The following CAMK2D variants were observed in gnomAD, a reference collection of about 807,000 sequenced individuals.
CAMK2D encodes the protein calcium/calmodulin dependent protein kinase II delta, also known as calcium/calmodulin-dependent protein kinase type II subunit delta.
CAMK2D carries 37 observed loss-of-function variants against 84.0 expected under a neutral mutation model. That is an observed-to-expected ratio of 0.44 (90% CI 0.34 to 0.58). The LOEUF is 0.58. Among genes scored for constraint, CAMK2D ranks in the 20% least tolerant of loss-of-function variants. The pLI, the probability that CAMK2D is intolerant of heterozygous loss-of-function variation, is 0.02. For missense variants in CAMK2D, 448 were observed against 652.5 expected (o/e 0.69, Z 3.41); for synonymous variants, 202 against 212.5 (o/e 0.95, Z 0.43).
chr4:113,503,221 A>G, intron 14 of CAMK2D: 1 of 703,790 alleles, frequency 1.4e-6, no homozygotes. Context: ...CTTGATCAGC[A>G]TTCAAACAAG....
intron 3 of CAMK2D, among the ~76,000 whole-genome samples, chr4:113,633,769 C>T (rs2154288912): frequency 6.6e-6 from 1 of 151,664 alleles, no homozygotes; most frequent in Admixed American, 6.5e-5. Flanking sequence ...AGCATCTCTG[C>T]CTTCTTTCCC....
At chr4:113,670,825 G>A (rs986033340) in intron 2 of CAMK2D, among the ~76,000 whole-genome samples, 15 of 151,920 alleles carry the variant, frequency 9.9e-5, no homozygotes, top group Non-Finnish European at 2.1e-4. Flanking sequence ...CTACTCGGGA[G>A]GCTGAGGCAG....
At chr4:113,640,391 C>A (rs2099127773) in intron 3 of CAMK2D, among the ~76,000 whole-genome samples, 1 of 152,076 alleles carries the variant, frequency 6.6e-6, no homozygotes, top group African/African-American at 2.4e-5. Context: ...AAGAAGAAAT[C>A]TAGAAAATAC....
intron 1 of CAMK2D, 25 bp from the exon 2 acceptor site, chr4:113,759,439 A>G: frequency 1.5e-6 from 2 of 1,346,930 alleles, no homozygotes; most frequent in Non-Finnish European, 2.1e-6. Context: ...TTAGCAGGTC[A>G]TTAATATAAC....
chr4:113,737,549 GGAGA>G (rs1166263386), intron 2 of CAMK2D, among the ~76,000 whole-genome samples: 1 of 152,040 alleles, frequency 6.6e-6, no homozygotes, highest in African/African-American at 2.4e-5. Flanking sequence ...AAAAACTTCT[GGAGA>G]TAGATATTGG....
At chr4:113,688,250 GA>G (rs1331817247) in intron 2 of CAMK2D, among the ~76,000 whole-genome samples, 1 of 152,194 alleles carries the variant, frequency 6.6e-6, no homozygotes, top group Non-Finnish European at 1.5e-5. Context: ...CCCTCACAAG[GA>G]GGTCTGTGTG....
chr4:113,494,722 G>T (rs1034987192), intron 16 of CAMK2D, among the ~76,000 whole-genome samples: 1 of 152,196 alleles, frequency 6.6e-6, no homozygotes, highest in African/African-American at 2.4e-5. Flanking sequence ...GGCAATGGCG[G>T]GCGCCCCTCC....
At chr4:113,747,288 T>C (rs1221480502) in intron 2 of CAMK2D, among the ~76,000 whole-genome samples, 1 of 138,114 alleles carries the variant, frequency 7.2e-6, no homozygotes, top group Non-Finnish European at 1.5e-5. Context: ...ACAGAATTAA[T>C]CTAACAGAAT....
At chr4:113,742,870 T>C (rs1562173961) in intron 2 of CAMK2D, among the ~76,000 whole-genome samples, 1 of 152,204 alleles carries the variant, frequency 6.6e-6, no homozygotes, top group Admixed American at 6.5e-5. Context: ...TTCTGATCTA[T>C]GATAATTTTT....
At chr4:113,511,018 A>T (rs2098205134) in intron 12 of CAMK2D, among the ~76,000 whole-genome samples, 1 of 152,172 alleles carries the variant, frequency 6.6e-6, no homozygotes. Flanking sequence ...TGCAATAGCA[A>T]GCAAAGAGAA....
intron 8 of CAMK2D, among the ~76,000 whole-genome samples, chr4:113,523,424 ATTAAAT>A: frequency 6.6e-6 from 1 of 152,008 alleles, no homozygotes; most frequent in East Asian, 1.9e-4. Flanking sequence ...AATACCTAAC[ATTAAAT>A]TTAAACACAT....
intron 4 of CAMK2D, among the ~76,000 whole-genome samples, chr4:113,554,727 A>T (rs576026609): frequency 1.4e-4 from 21 of 152,160 alleles, no homozygotes; most frequent in South Asian, 4.1e-4. Flanking sequence ...ATAGAACACA[A>T]AATTAAGCCA....
intron 16 of CAMK2D, among the ~76,000 whole-genome samples, chr4:113,495,516 C>G (rs1371583168): frequency 6.6e-6 from 1 of 152,140 alleles, no homozygotes; most frequent in Non-Finnish European, 1.5e-5. Context: ...AGTCATCATA[C>G]TATTCACTAA....
intron 13 of CAMK2D, among the ~76,000 whole-genome samples, chr4:113,506,452 C>A (rs1387651904): frequency 2.0e-5 from 3 of 151,776 alleles, no homozygotes; most frequent in African/African-American, 4.8e-5. Flanking sequence ...TAGTTAAAAC[C>A]TTTTTTTTCC....
intron 7 of CAMK2D, among the ~76,000 whole-genome samples, chr4:113,536,970 C>T (rs2098497380): frequency 1.3e-5 from 2 of 152,138 alleles, no homozygotes; most frequent in African/African-American, 4.8e-5. Context: ...ACTATTTACA[C>T]AGCAGTTTTT....
At chr4:113,609,243 C>G (rs1410558210) in intron 3 of CAMK2D, 37 bp from the exon 4 acceptor site, 3 of 1,113,710 alleles carry the variant, frequency 2.7e-6, no homozygotes. Context: ...TGTGTTATAC[C>G]TATTCCAACG....
At chr4:113,489,603 C>T (rs527751541) in intron 16 of CAMK2D, among the ~76,000 whole-genome samples, 4,020 of 148,146 alleles carry the variant, frequency 0.027, 168 homozygotes, top group African/African-American at 0.093. Context: ...AATAAACATA[C>T]GTGTGCATGT....
At chr4:113,644,698 C>T (rs2099144547) in intron 3 of CAMK2D, among the ~76,000 whole-genome samples, 1 of 152,192 alleles carries the variant, frequency 6.6e-6, no homozygotes, top group South Asian at 2.1e-4. Flanking sequence ...TGAAATGACA[C>T]TATCTTCCAG....
rs189417998 is a variant in CAMK2D, at chr4:113,594,674, C to T, written c.275+14478G>A. 1.3e-3 allele frequency among the ~76,000 whole-genome samples: 194 copies of T among 152,150 alleles called. 2 individuals carry two copies. Among genetic ancestry groups the T allele is most frequent in the African/African-American group, 4.5e-3 (188 of 41,502 alleles). ...AGGCTCATTAGTAGACTAGACAGGG[C>T]TGAGAAAAGAATCTCTAAGCCTGAA... On this transcript the variant is annotated intron_variant, in intron 4 of 20. Coordinates refer to ENST00000511664, the MANE Select transcript of CAMK2D (RefSeq NM_001321571.2).
Sources: allele counts gnomAD v4.1 joint callset (sites outside exome capture counted in the v4.1 genomes callset), GRCh38; gene constraint gnomAD v4.1.1; transcripts MANE v1.5; gene names NCBI Gene and HGNC (gene_info 2026-07-23, HGNC 2026-07-21).